UNC5C: variants seen among roughly 807,000 people sequenced by gnomAD.
UNC5C encodes the protein netrin receptor UNC5C.
UNC5C carries 47 observed loss-of-function variants against 99.8 expected under a neutral mutation model. That is an observed-to-expected ratio of 0.47 (90% confidence interval 0.37 to 0.60). The LOEUF is 0.60. Among genes scored for constraint, UNC5C ranks in the 20% least tolerant of loss-of-function variants. The pLI is 0.00. For synonymous variants in UNC5C, 487 were observed against 452.2 expected (o/e 1.08, Z -0.98); for missense variants, 1,062 against 1,165.9 (o/e 0.91, Z 1.30).
chr4:95,293,331 A>G (rs1579302218), intron 3 of UNC5C, among the ~76,000 whole-genome samples: 1 of 102,520 alleles, frequency 9.8e-6, no homozygotes, highest in African/African-American at 3.9e-5. Flanking sequence ...TTGAGACAGG[A>G]TCTCACTGTC....
At chr4:95,426,833 C>T (rs145236552) in intron 1 of UNC5C, among the ~76,000 whole-genome samples, 64 of 152,262 alleles carry the variant, frequency 4.2e-4, no homozygotes, top group African/African-American at 1.3e-3. Flanking sequence ...AGCAGACATT[C>T]GTTCATGAGG....
chr4:95,327,440 T>C (rs936219877), intron 2 of UNC5C, among the ~76,000 whole-genome samples: 2 of 152,036 alleles, frequency 1.3e-5, no homozygotes, highest in African/African-American at 2.4e-5. Flanking sequence ...TAAAAGTCCC[T>C]TTATCACCCC....
chr4:95,345,301 C>CAT (rs1743730417), intron 1 of UNC5C, among the ~76,000 whole-genome samples: 1 of 151,790 alleles, frequency 6.6e-6, no homozygotes, highest in South Asian at 2.1e-4. Context: ...AGCAAGAGGG[C>CAT]ATAACAATTG....
intron 1 of UNC5C, among the ~76,000 whole-genome samples, chr4:95,376,721 C>T (rs181893750): frequency 6.6e-6 from 1 of 152,270 alleles, no homozygotes; most frequent in East Asian, 1.9e-4. Flanking sequence ...CAAATTGTTT[C>T]TAAGTATTTT....
chr4:95,476,918 A>G (rs1185296631), intron 1 of UNC5C, among the ~76,000 whole-genome samples: 2 of 152,044 alleles, frequency 1.3e-5, no homozygotes, highest in African/African-American at 4.8e-5. Context: ...GCTCTTTTCC[A>G]CAACCTTGTA....
chr4:95,260,979 G>A (rs1446424047), intron 4 of UNC5C, among the ~76,000 whole-genome samples: 1 of 152,162 alleles, frequency 6.6e-6, no homozygotes, highest in East Asian at 1.9e-4. Context: ...GATGCTCACA[G>A]AGAAGAGCTT....
chr4:95,184,182 C>A (rs1270249929), intron 13 of UNC5C, among the ~76,000 whole-genome samples: 2 of 152,110 alleles, frequency 1.3e-5, no homozygotes, highest in African/African-American at 2.4e-5. Flanking sequence ...TGGCATGCAA[C>A]CTCCGTCAAA....
chr4:95,287,842 T>C (rs1003628481), intron 3 of UNC5C, among the ~76,000 whole-genome samples: 1 of 152,210 alleles, frequency 6.6e-6, no homozygotes, highest in Non-Finnish European at 1.5e-5. Flanking sequence ...AATCCCAGCC[T>C]TGAATGCTAC....
At chr4:95,186,163 C>T (rs1736820951) in intron 12 of UNC5C, among the ~76,000 whole-genome samples, 2 of 152,116 alleles carry the variant, frequency 1.3e-5, no homozygotes, top group Admixed American at 1.3e-4. Context: ...CCTCTCATGC[C>T]TTAAAAGTTT....
At chr4:95,424,949 A>AC (rs1396936113) in intron 1 of UNC5C, among the ~76,000 whole-genome samples, 2 of 152,148 alleles carry the variant, frequency 1.3e-5, no homozygotes, top group African/African-American at 4.8e-5. Context: ...AAGGGAAAGG[A>AC]CCGGACTAGG....
intron 1 of UNC5C, among the ~76,000 whole-genome samples, chr4:95,548,278 A>G (rs1723128894): frequency 6.6e-6 from 1 of 152,072 alleles, no homozygotes; most frequent in African/African-American, 2.4e-5. Context: ...GACTCAGTGA[A>G]GATCCTGCTA....
intron 1 of UNC5C, among the ~76,000 whole-genome samples, chr4:95,523,635 A>G (rs908557095): frequency 6.6e-6 from 1 of 152,218 alleles, no homozygotes; most frequent in African/African-American, 2.4e-5. Flanking sequence ...TAGTTTCACC[A>G]AAGTGACTAG....
chr4:95,451,753 T>C (rs888573709), intron 1 of UNC5C, among the ~76,000 whole-genome samples: 1 of 152,194 alleles, frequency 6.6e-6, no homozygotes, highest in Non-Finnish European at 1.5e-5. Context: ...GAAAGAATTC[T>C]TTTGATAAAC....
chr4:95,220,207 T>A, intron 7 of UNC5C, 31 bp from the exon 8 acceptor site: 1 of 1,587,416 alleles, frequency 6.3e-7, no homozygotes, highest in Non-Finnish European at 8.6e-7. Flanking sequence ...TTGAACCAGC[T>A]GCTTATAGAA....
At chr4:95,337,692 A>G (rs1743402850) in intron 1 of UNC5C, among the ~76,000 whole-genome samples, 2 of 152,008 alleles carry the variant, frequency 1.3e-5, no homozygotes, top group Admixed American at 1.3e-4. Flanking sequence ...ACCACAAGTA[A>G]AGAGAGATGA....
intron 1 of UNC5C, among the ~76,000 whole-genome samples, chr4:95,423,779 G>A (rs751829010): frequency 2.4e-4 from 36 of 152,166 alleles, no homozygotes; most frequent in Non-Finnish European, 2.5e-4. Context: ...TGACAGAAAA[G>A]TTCATGTACA....
intron 14 of UNC5C, among the ~76,000 whole-genome samples, chr4:95,172,252 C>G (rs1736150235): frequency 6.7e-6 from 1 of 149,172 alleles, no homozygotes; most frequent in African/African-American, 2.6e-5. Context: ...AATGAGATCC[C>G]ATTTGTCAAT....
intron 12 of UNC5C, among the ~76,000 whole-genome samples, chr4:95,191,836 C>T (rs1351489998): frequency 1.3e-4 from 19 of 142,022 alleles, no homozygotes; most frequent in South Asian, 2.4e-4. Flanking sequence ...GCTCACCTTT[C>T]TCCTCTGCTC....
intron 1 of UNC5C, among the ~76,000 whole-genome samples, chr4:95,441,184 T>C (rs1398603577): frequency 6.6e-6 from 1 of 152,194 alleles, no homozygotes; most frequent in African/African-American, 2.4e-5. Flanking sequence ...AAAATTAATA[T>C]ACAAGGACAA....
Sources: gnomAD v4.1 joint callset for allele counts (sites outside exome capture counted in the v4.1 genomes callset) on GRCh38, gnomAD v4.1.1 for gene constraint, MANE v1.5 for transcripts, NCBI Gene and HGNC (gene_info 2026-07-23, HGNC 2026-07-21) for gene names.